The following BCL2L13 variants were observed in gnomAD, a reference collection of about 807,000 sequenced individuals.
The protein encoded by BCL2L13 is bcl-2-like protein 13.
Under a neutral mutation model 25.8 loss-of-function variants are expected in BCL2L13, and 13 were observed. That is an observed-to-expected ratio of 0.50 (90% CI 0.33 to 0.80). BCL2L13 has a LOEUF of 0.80. Among genes scored for constraint, BCL2L13 ranks in the 30% least tolerant of loss-of-function variants. BCL2L13 has a pLI of 0.02. For synonymous variants in BCL2L13, 244 were observed against 230.3 expected (o/e 1.06, Z -0.54); for missense variants, 504 against 574.9 (o/e 0.88, Z 1.26).
At chr22:17,702,854 A>G (rs1326483277) in intron 6 of BCL2L13, 1 of 152,178 alleles carries the variant, frequency 6.6e-6, no homozygotes, top group Non-Finnish European at 1.5e-5. Flanking sequence ...TGATCAATTT[A>G]AAAAATATAT....
At chr22:17,715,157 TATATATATA>T (rs2060900641) in intron 6 of BCL2L13, among the ~76,000 whole-genome samples, 1 of 5,422 alleles carries the variant, frequency 1.8e-4, no homozygotes, top group African/African-American at 7.1e-4. Context: ...TATATATATA[TATATATATA>T]TATATTTTTT....
chr22:17,638,107 TTCCGATACTCCTCCAAAGAA>T, upstream of BCL2L13: 2 of 152,250 alleles, frequency 1.3e-5, no homozygotes, highest in African/African-American at 4.8e-5. Flanking sequence ...CCTAGATACC[TTCCGATACTCCTCCAAAGAA>T]CTCTCGGATT....
chr22:17,669,129 T>C (rs551080867), intron 2 of BCL2L13, among the ~76,000 whole-genome samples: 9 of 148,386 alleles, frequency 6.1e-5, no homozygotes, highest in African/African-American at 2.2e-4. Flanking sequence ...GCCTCCCAGG[T>C]TCACGCCTTT....
chr22:17,663,420 T>G (rs2059133073), intron 2 of BCL2L13, among the ~76,000 whole-genome samples: 1 of 152,200 alleles, frequency 6.6e-6, no homozygotes, highest in African/African-American at 2.4e-5. Context: ...TAAACAAAAT[T>G]ATATCAAAAT....
At chr22:17,637,930 C>A (rs551134584), upstream of BCL2L13, among the ~76,000 whole-genome samples, 9 of 152,220 alleles carry the variant, frequency 5.9e-5, no homozygotes, top group East Asian at 1.5e-3. Context: ...GCCACCATCA[C>A]CCCAAAAAGA....
At position 17,682,806 on chromosome 22, in the gene BCL2L13, T is replaced by A. The variant is rs1176756793; in HGVS notation, c.122-408T>A. Reference sequence around the variant, plus strand: ...TTCCTCCCGTCCCTAATTTTGATAATGAATTTTGATTTTGCATTTTTTGGC... The same window carrying A: ...TTCCTCCCGTCCCTAATTTTGATAAAGAATTTTGATTTTGCATTTTTTGGC... On this transcript the variant is annotated intron_variant, in intron 2 of 6. Coordinates refer to ENST00000317582, the MANE Select transcript of BCL2L13 (RefSeq NM_015367.4). Among the ~76,000 whole-genome samples the A allele has an allele frequency of 3.3e-5, 5 of 152,216 alleles. No individual in the cohort carries two copies. The East Asian group carries it at 7.7e-4, about 23-fold the overall frequency.
At chr22:17,654,464 C>G (rs1192957092) in intron 1 of BCL2L13, among the ~76,000 whole-genome samples, 1 of 151,524 alleles carries the variant, frequency 6.6e-6, no homozygotes, top group Non-Finnish European at 1.5e-5. Context: ...GCTCTGTCGC[C>G]CAGGCTGGAG....
intron 1 of BCL2L13, among the ~76,000 whole-genome samples, chr22:17,646,714 G>A (rs114021951): frequency 0.027 from 1,976 of 72,066 alleles, 123 homozygotes; most frequent in African/African-American, 0.11. Flanking sequence ...TGAAATATCT[G>A]TCTTTTTTTT....
intron 6 of BCL2L13, among the ~76,000 whole-genome samples, chr22:17,711,437 A>G (rs2060759184): frequency 6.6e-6 from 1 of 151,458 alleles, no homozygotes; most frequent in Non-Finnish European, 1.5e-5. Context: ...AGCTGGGACC[A>G]CAGGCATGCA....
chr22:17,643,750 A>T (rs2058372762), intron 1 of BCL2L13, among the ~76,000 whole-genome samples: 1 of 147,538 alleles, frequency 6.8e-6, no homozygotes, highest in African/African-American at 2.5e-5. Context: ...TGTAGCTGGG[A>T]CTACAGGCAC....
intron 1 of BCL2L13, among the ~76,000 whole-genome samples, chr22:17,644,187 G>C (rs1037062233): frequency 2.0e-5 from 3 of 151,398 alleles, no homozygotes; most frequent in Non-Finnish European, 4.4e-5. Flanking sequence ...TAGGATTACA[G>C]GCATGAGCAA....
intron 2 of BCL2L13, among the ~76,000 whole-genome samples, chr22:17,681,455 C>G (rs190661531): frequency 6.6e-6 from 1 of 150,990 alleles, no homozygotes; most frequent in East Asian, 2.0e-4. Flanking sequence ...GCAGAGCTTG[C>G]GCCACTGTAC....
chr22:17,715,112 A>C (rs1207641249), intron 6 of BCL2L13, among the ~76,000 whole-genome samples: 2 of 119,192 alleles, frequency 1.7e-5, no homozygotes, highest in Non-Finnish European at 3.4e-5. Context: ...CAAAGACTTC[A>C]GTGTTAATTT....
At chr22:17,688,722 G>A (rs573944849) in intron 3 of BCL2L13, among the ~76,000 whole-genome samples, 1 of 150,952 alleles carries the variant, frequency 6.6e-6, no homozygotes, top group Admixed American at 6.6e-5. Flanking sequence ...CTAATAGTGG[G>A]TGTCTTAATC....
At chr22:17,662,346 C>T (rs751583823) in intron 2 of BCL2L13, among the ~76,000 whole-genome samples, 8 of 152,204 alleles carry the variant, frequency 5.3e-5, no homozygotes, top group South Asian at 2.1e-4. Flanking sequence ...GGCATGGTGG[C>T]AGGTGCCTGT....
At chr22:17,679,592 A>G (rs941227423) in intron 2 of BCL2L13, among the ~76,000 whole-genome samples, 1 of 151,616 alleles carries the variant, frequency 6.6e-6, no homozygotes, top group African/African-American at 2.4e-5. Context: ...TTTATCCTAA[A>G]TTTTTTGTTT....
At chr22:17,683,383 GTTTAA>G in intron 3 of BCL2L13, 62 bp downstream of exon 3, 1 of 995,620 alleles carries the variant, frequency 1.0e-6, no homozygotes, top group Non-Finnish European at 1.5e-6. Context: ...TTTACTGTTG[GTTTAA>G]TTTGATTTTT....
chr22:17,730,320 C>T lies in BCL2L13; in HGVS notation c.*2786C>T, dbSNP rs2061379091. On this transcript the variant is annotated 3_prime_UTR_variant, in exon 7 of 7. Coordinates refer to ENST00000317582, the MANE Select transcript of BCL2L13 (RefSeq NM_015367.4). ...TGCAACTGTTGACCTTCTGGTTCAC[C>T]CATCTCCCCCTCGAGGCATTCTTGA... The T allele has an allele frequency of 6.6e-6, 1 of 152,082 alleles. No homozygotes were observed. The highest frequency in any genetic ancestry group is 2.4e-5 in the African/African-American group (1 of 41,386). The allele number at this position is 152,082 out of a possible 1,614,324, so 9.4% of individuals were successfully genotyped here.
intron 3 of BCL2L13, among the ~76,000 whole-genome samples, chr22:17,685,450 C>G (rs560197675): frequency 1.4e-3 from 215 of 151,896 alleles, no homozygotes; most frequent in African/African-American, 5.1e-3. Context: ...TCTCCAACTC[C>G]TGACCTCAAA....
Sources: gnomAD v4.1 joint callset for allele counts (sites outside exome capture counted in the v4.1 genomes callset) on GRCh38, gnomAD v4.1.1 for gene constraint, MANE v1.5 for transcripts, NCBI Gene and HGNC (gene_info 2026-07-23, HGNC 2026-07-21) for gene names.